NUTM2B: variants seen among roughly 807,000 people sequenced by gnomAD.
NUTM2B encodes the protein NUT family member 2B, also known as family with sequence similarity 22, member B.
Under a neutral mutation model 42.4 loss-of-function variants are expected in NUTM2B, and 2 were observed. That is an observed-to-expected ratio of 0.05 (90% confidence interval 0.02 to 0.15). The LOEUF (loss-of-function observed/expected upper bound fraction) is 0.15. Among genes scored for constraint, NUTM2B ranks in the 10% least tolerant of loss-of-function variants. The probability of loss-of-function intolerance (pLI) is 1.00; values close to 1 mark genes in which losing one functional copy is unlikely to be tolerated. For missense variants in NUTM2B, 58 were observed against 952.6 expected (o/e 0.06, Z 12.36); for synonymous variants, 18 against 402.4 (o/e 0.04, Z 11.43).
At chr10:79,702,280 CCAGA>C (rs71274520), upstream of NUTM2B, among the ~76,000 whole-genome samples, 1,480 of 151,894 alleles carry the variant, frequency 9.7e-3, 30 homozygotes, top group African/African-American at 0.034. Context: ...CTGGGAGCAC[CCAGA>C]CAGTCACTGC....
chr10:79,700,222 T>C (rs1163687977), upstream of NUTM2B, among the ~76,000 whole-genome samples: 2 of 152,274 alleles, frequency 1.3e-5, no homozygotes, highest in Admixed American at 1.3e-4. Context: ...ACATGCATGC[T>C]GGCTGATCAT....
chr10:79,695,708 A>G, the NUTM2B span, among the ~76,000 whole-genome samples: 3 of 151,948 alleles, frequency 2.0e-5, no homozygotes, highest in Admixed American at 6.5e-5. Flanking sequence ...CAGGACTGAG[A>G]GAAGACATGG....
intron 5 of NUTM2B, among the ~76,000 whole-genome samples, chr10:79,710,993 T>A (rs1840482347): frequency 7.5e-6 from 1 of 133,122 alleles, no homozygotes; most frequent in South Asian, 3.1e-4. Flanking sequence ...AGTGTGTACG[T>A]TACCTGTGTC....
upstream of NUTM2B, among the ~76,000 whole-genome samples, chr10:79,701,617 C>T (rs1164989423): frequency 6.6e-6 from 1 of 151,218 alleles, no homozygotes; most frequent in Non-Finnish European, 1.5e-5. Flanking sequence ...GCCGCCATTC[C>T]TCTACTGGGT....
At chr10:79,700,563 T>C (rs1840296716), upstream of NUTM2B, among the ~76,000 whole-genome samples, 2 of 152,182 alleles carry the variant, frequency 1.3e-5, no homozygotes, top group African/African-American at 4.8e-5. Context: ...CTGGTCACAA[T>C]GTGGGGTCGC....
At chr10:79,692,719 C>T in the NUTM2B span, among the ~76,000 whole-genome samples, 1 of 152,226 alleles carries the variant, frequency 6.6e-6, no homozygotes, top group Non-Finnish European at 1.5e-5. Flanking sequence ...CCACCTGCTT[C>T]CCATGCTGGG....
chr10:79,696,586 G>A, the NUTM2B span, among the ~76,000 whole-genome samples: 6 of 152,070 alleles, frequency 3.9e-5, no homozygotes, highest in African/African-American at 1.4e-4. Flanking sequence ...CAAACCATCC[G>A]ACAGTGCACA....
At chr10:79,694,073 G>C in the NUTM2B span, among the ~76,000 whole-genome samples, 1 of 152,164 alleles carries the variant, frequency 6.6e-6, no homozygotes, top group Non-Finnish European at 1.5e-5. Context: ...ATGTGCAATA[G>C]AGAAACTAAT....
the NUTM2B span, among the ~76,000 whole-genome samples, chr10:79,692,286 A>C: frequency 6.6e-6 from 1 of 152,232 alleles, no homozygotes; most frequent in Non-Finnish European, 1.5e-5. Context: ...TACAGCCTTC[A>C]CTGCTCCAAG....
chr10:79,700,581 A>G (rs548774972), upstream of NUTM2B, among the ~76,000 whole-genome samples: 1 of 152,198 alleles, frequency 6.6e-6, no homozygotes, highest in South Asian at 2.1e-4. Context: ...CGCCCCGTGG[A>G]CACTGGTGAC....
chr10:79,710,902 G>A (rs1840479337), intron 5 of NUTM2B, 138 bp downstream of exon 5: 8 of 1,300,712 alleles, frequency 6.2e-6, no homozygotes, highest in Non-Finnish European at 8.0e-6. Context: ...ATGTGATTGT[G>A]TGTGTCTGTG....
upstream of NUTM2B, among the ~76,000 whole-genome samples, chr10:79,701,473 C>T (rs1284802324): frequency 1.3e-5 from 2 of 151,958 alleles, no homozygotes; most frequent in East Asian, 3.9e-4. Flanking sequence ...AAACTTTAAT[C>T]GTCACATCCT....
At chr10:79,700,733 C>T (rs555542329), upstream of NUTM2B, among the ~76,000 whole-genome samples, 43 of 152,320 alleles carry the variant, frequency 2.8e-4, no homozygotes, top group African/African-American at 5.8e-4. Flanking sequence ...TCCCTGCCAT[C>T]AACCGCCGCA....
At chr10:79,692,712 C>A in the NUTM2B span, among the ~76,000 whole-genome samples, 2 of 152,198 alleles carry the variant, frequency 1.3e-5, no homozygotes, top group Admixed American at 1.3e-4. Context: ...TCTCTCACCA[C>A]CTGCTTCCCA....
intron 3 of NUTM2B, among the ~76,000 whole-genome samples, chr10:79,709,280 G>A (rs1840445881): frequency 7.5e-6 from 1 of 133,880 alleles, no homozygotes; most frequent in South Asian, 3.0e-4. Flanking sequence ...CCCATCTCTG[G>A]CCTGACTGCC....
chr10:79,712,666 CT>C (rs1840521618), exon 7 of NUTM2B: 1 of 323,568 alleles, frequency 3.1e-6, no homozygotes, highest in African/African-American at 5.0e-5. Flanking sequence ...AAGGGAGGGT[CT>C]GGGGGGAAGG....
upstream of NUTM2B, among the ~76,000 whole-genome samples, chr10:79,701,260 G>A (rs1840308945): frequency 6.6e-6 from 1 of 152,136 alleles, no homozygotes; most frequent in African/African-American, 2.4e-5. Flanking sequence ...CATTCCCAGA[G>A]TTTTTCCTAC....
chr10:79,698,297 C>A (rs1218290094), upstream of NUTM2B, among the ~76,000 whole-genome samples: 1 of 152,166 alleles, frequency 6.6e-6, no homozygotes, highest in Non-Finnish European at 1.5e-5. Flanking sequence ...GAAACACTAT[C>A]CAATCAATAT....
the NUTM2B span, among the ~76,000 whole-genome samples, chr10:79,694,714 T>C: frequency 9.9e-4 from 150 of 152,216 alleles, no homozygotes; most frequent in African/African-American, 1.4e-3. Flanking sequence ...GATGAATACA[T>C]CAGGGGAAAC....
Sources: gnomAD v4.1 joint callset for allele counts (sites outside exome capture counted in the v4.1 genomes callset) on GRCh38, gnomAD v4.1.1 for gene constraint, MANE v1.5 for transcripts, NCBI Gene and HGNC (gene_info 2026-07-23, HGNC 2026-07-21) for gene names.